FAT4: variants seen among roughly 807,000 people sequenced by gnomAD.
FAT4 encodes FAT atypical cadherin 4.
FAT4 carries 84 observed loss-of-function variants against 303.9 expected under a neutral mutation model. The observed-to-expected ratio is 0.28, with a 90% CI of 0.23 to 0.33. FAT4 has a LOEUF of 0.33. Ranked by LOEUF, FAT4 falls within the 10% of genes least tolerant of loss-of-function variation. The pLI, the probability that FAT4 is intolerant of heterozygous loss-of-function variation, is 1.00. For missense variants in FAT4, 6,005 were observed against 6,146.8 expected (o/e 0.98, Z 0.77); for synonymous variants, 2,307 against 2,298.8 (o/e 1.00, Z -0.10).
intron 2 of FAT4, among the ~76,000 whole-genome samples, chr4:125,333,682 G>A (rs1731469508): frequency 6.6e-6 from 1 of 152,104 alleles, no homozygotes; most frequent in African/African-American, 2.4e-5. Flanking sequence ...TTTAAGCTAT[G>A]CTGCAGTGAT....
At chr4:125,384,397 A>G (rs1379985913) in intron 2 of FAT4, among the ~76,000 whole-genome samples, 1 of 152,180 alleles carries the variant, frequency 6.6e-6, no homozygotes, top group Non-Finnish European at 1.5e-5. Context: ...TAATTTTCAT[A>G]TCTCAAATGA....
At chr4:125,436,530 G>A (rs539724659) in intron 8 of FAT4, among the ~76,000 whole-genome samples, 11 of 152,218 alleles carry the variant, frequency 7.2e-5, no homozygotes, top group South Asian at 2.1e-4. Flanking sequence ...ACACGTTTGC[G>A]GAGTGTATTA....
At chr4:125,411,831 C>T (rs1013669449) in intron 5 of FAT4, among the ~76,000 whole-genome samples, 3 of 111,126 alleles carry the variant, frequency 2.7e-5, no homozygotes, top group African/African-American at 1.0e-4. Context: ...ATCTACATAT[C>T]TATATATAGT....
intron 2 of FAT4, among the ~76,000 whole-genome samples, chr4:125,387,871 A>G (rs565522503): frequency 1.3e-5 from 2 of 152,284 alleles, no homozygotes; most frequent in African/African-American, 2.4e-5. Flanking sequence ...TGGCTTTTGT[A>G]TCTGTTAGCT....
chr4:125,449,557 AC>A lies in FAT4; in HGVS notation c.8548del (p.His2850MetfsTer7). 6.2e-7 allele frequency: 1 copy of A among 1,613,482 alleles called. No individual in the cohort carries two copies. The highest frequency in any genetic ancestry group is 8.5e-7 in the Non-Finnish European group (1 of 1,179,524). On this transcript the variant is annotated frameshift_variant, in exon 10 of 18. Coordinates refer to ENST00000394329, the MANE Select transcript of FAT4 (RefSeq NM_001291303.3). LOFTEE classifies it high-confidence loss of function. Reference protein sequence around the residue: ...TDRYRIRVSAHDSGWTVSTDV... With the variant: ...TDRYRIRVSAXDSGWTVSTDV... ...ACCGTTACAGAATTCGAGTTTCCGCACATGATTCTGGGTGGACTGTAAGTAC... is the reference window on the plus strand; with the variant it reads ...ACCGTTACAGAATTCGAGTTTCCGCAATGATTCTGGGTGGACTGTAAGTAC...
chr4:125,337,260 C>T (rs1343705116), intron 2 of FAT4, among the ~76,000 whole-genome samples: 1 of 151,930 alleles, frequency 6.6e-6, no homozygotes. Flanking sequence ...TATAAGCAAA[C>T]AGTATTTTTG....
chr4:125,478,612 A>G (rs924734406), intron 14 of FAT4, among the ~76,000 whole-genome samples: 7 of 151,814 alleles, frequency 4.6e-5, no homozygotes, highest in Non-Finnish European at 7.4e-5. Flanking sequence ...GCCCCCTGCA[A>G]CCTCCACCTC....
rs763794842 is a variant in FAT4 at position 125,317,613 on chromosome 4, G to T, written c.1202G>T (p.Gly401Val). The T allele has an allele frequency of 1.9e-6, 3 of 1,613,920 alleles. No individual in the cohort carries two copies. Among genetic ancestry groups the T allele is most frequent in the South Asian group, 2.2e-5 (2 of 91,008 alleles). ...NGNISVQILG[G>V]NEQRHFEVQS... is the part of the protein sequence containing the mutation. ...AACATCTCCGTGCAAATTCTCGGGG[G>T]CAATGAGCAGCGCCACTTTGAAGTG... The change falls in exon 2 of 18, where the codon GGC becomes GTC. Residue 401 changes from glycine to valine, a missense_variant. Transcript: ENST00000394329. The surrounding 1 kb of genome is among the most constrained non-coding windows in gnomAD (Gnocchi z 7.0).
At chr4:125,465,560 A>C (rs1726632454) in intron 11 of FAT4, among the ~76,000 whole-genome samples, 1 of 152,122 alleles carries the variant, frequency 6.6e-6, no homozygotes, top group African/African-American at 2.4e-5. Context: ...AAATTTGGGG[A>C]TTTAAGAAAA....
intron 10 of FAT4, among the ~76,000 whole-genome samples, chr4:125,456,009 C>T (rs1726265236): frequency 6.6e-6 from 1 of 152,192 alleles, no homozygotes; most frequent in South Asian, 2.1e-4. Context: ...TGCCCACCTG[C>T]AGTGCTGCAC....
chr4:125,399,465 T>A (rs1734303254), intron 3 of FAT4, among the ~76,000 whole-genome samples: 2 of 151,872 alleles, frequency 1.3e-5, no homozygotes, highest in African/African-American at 4.8e-5. Context: ...GGGTAAGGAG[T>A]TTAACTAATG....
At chr4:125,489,324 C>A (rs950567815) in intron 17 of FAT4, among the ~76,000 whole-genome samples, 11 of 152,264 alleles carry the variant, frequency 7.2e-5, no homozygotes, top group Admixed American at 7.2e-4. Flanking sequence ...TTTGCCATCC[C>A]CAAGTCATAA....
At chr4:125,476,100 T>A in intron 12 of FAT4, 71 bp from the exon 13 acceptor site, 2 of 778,512 alleles carry the variant, frequency 2.6e-6, no homozygotes, top group East Asian at 2.7e-5. Flanking sequence ...AAGTCATGGG[T>A]AGTGTTGGCT....
At chr4:125,455,603 G>A (rs1344167600) in intron 10 of FAT4, among the ~76,000 whole-genome samples, 1 of 152,096 alleles carries the variant, frequency 6.6e-6, no homozygotes, top group African/African-American at 2.4e-5. Flanking sequence ...TAGACAACTT[G>A]CCTCCAGCCA....
At chr4:125,405,382 C>T (rs1734555142) in intron 3 of FAT4, among the ~76,000 whole-genome samples, 1 of 152,084 alleles carries the variant, frequency 6.6e-6, no homozygotes, top group Non-Finnish European at 1.5e-5. Context: ...TTCCCCACTT[C>T]TTCACCAACA....
intron 2 of FAT4, among the ~76,000 whole-genome samples, chr4:125,349,208 A>G (rs1578547327): frequency 6.6e-6 from 1 of 151,898 alleles, no homozygotes; most frequent in African/African-American, 2.4e-5. Flanking sequence ...TTTGTTTTGA[A>G]TTTTCCAGTA....
rs760855448 is a variant in FAT4, at chr4:125,481,753, A to G, written c.12822+15A>G. 6.2e-7 allele frequency: 1 copy of G among 1,609,080 alleles called. No homozygotes were observed. The highest frequency in any genetic ancestry group is 1.7e-5 in the Admixed American group (1 of 59,996). On this transcript the variant is annotated intron_variant, in intron 16 of 17. Transcript: ENST00000394329. ...CTACTGTGAAGGTGAGATAAAAGCT[A>G]ATGGTGACTTCATTTGATTAGACCG... is the stretch of plus-strand genomic sequence containing the variant.
chr4:125,452,403 T>G lies in FAT4; in HGVS notation c.11393T>G (p.Val3798Gly). ...IKEILLRQSG[V>G]KVESVDHDSC... ...GAGATCCTTCTCCGGCAGAGTGGAG[T>G]AAAGGTGGAATCTGTGGATCATGAC... Residue 3798 changes from valine (V) to glycine (G), a missense_variant, in exon 10 of 18, where the codon GTA (valine) becomes GGA (glycine). Val to Gly is a moderately radical substitution (Grantham distance 109). Coordinates refer to ENST00000394329, the MANE Select transcript of FAT4 (RefSeq NM_001291303.3). The G allele has an allele frequency of 6.2e-7, 1 of 1,613,658 alleles. No homozygotes were observed. The highest frequency in any genetic ancestry group is 8.5e-7 in the Non-Finnish European group (1 of 1,179,918).
At chr4:125,345,371 T>C (rs1731957374) in intron 2 of FAT4, among the ~76,000 whole-genome samples, 1 of 151,920 alleles carries the variant, frequency 6.6e-6, no homozygotes, top group African/African-American at 2.4e-5. Flanking sequence ...ATGACACTAG[T>C]GAGCTTCAGG....
Sources: gnomAD v4.1 joint callset for allele counts (sites outside exome capture counted in the v4.1 genomes callset) on GRCh38, gnomAD v4.1.1 for gene constraint, Gnocchi (gnomAD v3.1) non-coding constraint, MANE v1.5 for transcripts, NCBI Gene and HGNC (gene_info 2026-07-23, HGNC 2026-07-21) for gene names.